ZNF528: variants seen among roughly 807,000 people sequenced by gnomAD.
The protein encoded by ZNF528 is zinc finger protein 528.
ZNF528 carries 9 observed loss-of-function variants against 13.3 expected under a neutral mutation model. The ratio of observed to expected loss-of-function variants is 0.67; its 90% CI spans 0.41 to 1.18. The LOEUF (loss-of-function observed/expected upper bound fraction) is 1.18, where lower values mean the gene tolerates loss of function less well. Ranked by LOEUF, ZNF528 falls within the 50% of genes most tolerant of loss-of-function variation. ZNF528 has a pLI of 0.01. For synonymous variants in ZNF528, 264 were observed against 254.3 expected (o/e 1.04, Z -0.36); for missense variants, 858 against 745.4 (o/e 1.15, Z -1.76).
At chr19:52,403,159 A>G (rs2058814751) in intron 4 of ZNF528, among the ~76,000 whole-genome samples, 1 of 152,230 alleles carries the variant, frequency 6.6e-6, no homozygotes, top group African/African-American at 2.4e-5. Context: ...ATATGCTGAA[A>G]TACACATTGG....
intron 4 of ZNF528, among the ~76,000 whole-genome samples, chr19:52,404,711 C>T (rs111608834): frequency 2.0e-5 from 3 of 152,032 alleles, no homozygotes; most frequent in Non-Finnish European, 4.4e-5. Flanking sequence ...ATTCTCCTGT[C>T]TCAGCCTTCT....
intron 2 of ZNF528, 44 bp from the exon 3 acceptor site, chr19:52,401,639 GTT>G: frequency 8.1e-7 from 1 of 1,229,004 alleles, no homozygotes; most frequent in South Asian, 1.4e-5. Context: ...AGGAATCACA[GTT>G]TATTACCACA....
chr19:52,402,363 C>T (rs2058804916), intron 4 of ZNF528: 1 of 387,104 alleles, frequency 2.6e-6, no homozygotes, highest in Admixed American at 4.1e-5. Context: ...GTTCTGTGGA[C>T]TAGAATTAGA....
Position 52,417,359 on chromosome 19 carries a change from G to C in ZNF528, c.*620G>C. The C allele has an allele frequency of 5.3e-6, 1 of 189,610 alleles. No individual in the cohort carries two copies. The highest frequency in any genetic ancestry group is 9.4e-5 in the South Asian group (1 of 10,608). 11.7% of individuals were successfully genotyped at this position (189,610 alleles called of 1,614,324 possible). A position where few individuals can be genotyped will look rare whatever the true frequency, so the allele number is the denominator to read the frequency against. Reference sequence around the variant, plus strand: ...GATTTAGAGAGCATGGAGGTGGGCAGAGTAACATAAAACTGATGACCGTCA... The same window carrying C: ...GATTTAGAGAGCATGGAGGTGGGCACAGTAACATAAAACTGATGACCGTCA... On this transcript the variant is annotated 3_prime_UTR_variant, in exon 7 of 7. Coordinates refer to ENST00000360465, the MANE Select transcript of ZNF528 (RefSeq NM_032423.3).
intron 4 of ZNF528, among the ~76,000 whole-genome samples, chr19:52,405,353 A>G (rs1041451950): frequency 6.6e-6 from 1 of 152,072 alleles, no homozygotes; most frequent in Non-Finnish European, 1.5e-5. Flanking sequence ...CAACATGGTG[A>G]GACACCATAT....
chr19:52,412,507 G>A (rs1044055051), intron 6 of ZNF528: 6 of 152,208 alleles, frequency 3.9e-5, no homozygotes, highest in Non-Finnish European at 8.8e-5. Flanking sequence ...GGGAATCAAT[G>A]TTTCTCTTGG....
rs1183783932 is a variant in ZNF528 at position 52,415,289 on chromosome 19, C to T, written c.437C>T (p.Ser146Leu). 2 of 1,613,108 alleles carry T rather than the reference C, an allele frequency of 1.2e-6. No homozygotes were observed. The highest frequency in any genetic ancestry group is 1.7e-6 in the Non-Finnish European group (2 of 1,179,788). The change falls in exon 7 of 7, where the codon TCA becomes TTA. Residue 146 changes from serine to leucine, a missense_variant. By Grantham distance (145) the Ser-to-Leu change is moderately radical. Transcript: ENST00000360465. ...CCCGTCAGTGACAATTCCTCAGTTT[C>T]ACCGCTTGAAAAAATTTCTTCCAGT... is the stretch of plus-strand genomic sequence containing the variant. ...EKPVSDNSSV[S>L]PLEKISSSVK...
chr19:52,398,805 CG>C (rs1020713382), intron 2 of ZNF528, among the ~76,000 whole-genome samples, 186 bp downstream of exon 2: 1 of 152,010 alleles, frequency 6.6e-6, no homozygotes, highest in African/African-American at 2.4e-5. Flanking sequence ...GACAGAGCAG[CG>C]TGGTGCTGGG....
At chr19:52,414,456 G>A (rs2058973449) in intron 6 of ZNF528, 2 of 602,614 alleles carry the variant, frequency 3.3e-6, no homozygotes, top group South Asian at 3.9e-5. Flanking sequence ...ATTGGGTAAA[G>A]GAGATGGTGG....
At position 52,415,342 on chromosome 19, in the gene ZNF528, A is replaced by G. The variant is rs758943294; in HGVS notation, c.490A>G (p.Arg164Gly). 5.0e-6 allele frequency: 8 copies of G among 1,611,988 alleles called. No individual in the cohort carries two copies. The Admixed American group carries it at 1.2e-4, about 24-fold the overall frequency. Reference sequence around the variant, plus strand: ...CAAATCCCACCTTTTAAATAAATATAGAAATAATTTTGATCATGCTCCATT... The same window carrying G: ...CAAATCCCACCTTTTAAATAAATATGGAAATAATTTTGATCATGCTCCATT... Reference protein sequence around the residue: ...SVKSHLLNKYRNNFDHAPLLP... With the variant: ...SVKSHLLNKYGNNFDHAPLLP... Residue 164 changes from arginine (R) to glycine (G), a missense_variant, in exon 7 of 7, where the codon AGA (arginine) becomes GGA (glycine). Coordinates refer to ENST00000360465, the MANE Select transcript of ZNF528 (RefSeq NM_032423.3).
chr19:52,407,125 AT>A (rs2058867191), intron 6 of ZNF528, among the ~76,000 whole-genome samples: 1 of 111,624 alleles, frequency 9.0e-6, no homozygotes, highest in African/African-American at 3.5e-5. Flanking sequence ...TTGGTATTTT[AT>A]GTGGAGATGG....
In ZNF528 at chr19:52,406,072, G is replaced by T. The variant is rs143434257; in HGVS notation, c.142+39G>T. The T allele has an allele frequency of 1.1e-4, 169 of 1,586,694 alleles. 1 individual carries two copies. The East Asian group carries it at 3.7e-3, about 35-fold the overall frequency. ...CCCCTCAGAAGCCGGGATCTGCCCT[G>T]GTGGATCTCTGAATTGTGTCTTATA... is the stretch of plus-strand genomic sequence containing the variant. On this transcript the variant is annotated intron_variant, in intron 5 of 6. Transcript: ENST00000360465.
Position 52,401,732 on chromosome 19 carries a change from A to C in ZNF528, c.-89A>C. On this transcript the variant is annotated 5_prime_UTR_variant, in exon 3 of 7. Transcript: ENST00000360465. Reference sequence around the variant, plus strand: ...AGAATAAAGTGAAAAAAATCTCAGAAGGAATCCACTCAACAGACGAGGTAC... The same window carrying C: ...AGAATAAAGTGAAAAAAATCTCAGACGGAATCCACTCAACAGACGAGGTAC... 6.9e-7 allele frequency: 1 copy of C among 1,439,180 alleles called. No homozygotes were observed. Among genetic ancestry groups the C allele is most frequent in the Non-Finnish European group, 9.2e-7 (1 of 1,087,932 alleles). 89.2% of individuals were successfully genotyped at this position (1,439,180 alleles called of 1,614,324 possible). A position where few individuals can be genotyped will look rare whatever the true frequency, so the allele number is the denominator to read the frequency against.
chr19:52,402,387 A>G (rs1191005519), intron 4 of ZNF528: 4 of 324,376 alleles, frequency 1.2e-5, no homozygotes, highest in Non-Finnish European at 5.6e-6. Context: ...GCTGCACGTC[A>G]AAGTTCCTTT....
At chr19:52,407,940 T>G (rs1316318244) in intron 6 of ZNF528, among the ~76,000 whole-genome samples, 1 of 152,016 alleles carries the variant, frequency 6.6e-6, no homozygotes, top group Non-Finnish European at 1.5e-5. Context: ...CTCGAACTCC[T>G]GGCCTCATGT....
intron 2 of ZNF528, among the ~76,000 whole-genome samples, chr19:52,399,881 G>A (rs990289005): frequency 2.0e-5 from 3 of 152,160 alleles, no homozygotes; most frequent in Admixed American, 6.5e-5. Flanking sequence ...CAGTTTAACT[G>A]GTCAGTGTAG....
At chr19:52,409,417 C>CA in intron 6 of ZNF528, among the ~76,000 whole-genome samples, 1 of 151,976 alleles carries the variant, frequency 6.6e-6, no homozygotes, top group East Asian at 1.9e-4. Flanking sequence ...GATTCTCCTG[C>CA]ATCAGCCTCC....
intron 5 of ZNF528, 70 bp downstream of exon 5, chr19:52,406,103 C>T (rs1367311241): frequency 6.6e-7 from 1 of 1,518,626 alleles, no homozygotes; most frequent in Non-Finnish European, 8.9e-7. Context: ...TTATATGCCT[C>T]TTGGGAGCTC....
intron 6 of ZNF528, chr19:52,408,211 C>T (rs1288226907): frequency 2.7e-5 from 4 of 149,510 alleles, no homozygotes; most frequent in Non-Finnish European, 5.9e-5. Context: ...GATGGAGTCT[C>T]CTTCTATCTC....
Sources: gnomAD v4.1 joint callset for allele counts (sites outside exome capture counted in the v4.1 genomes callset) on GRCh38, gnomAD v4.1.1 for gene constraint, MANE v1.5 for transcripts, NCBI Gene and HGNC (gene_info 2026-07-23, HGNC 2026-07-21) for gene names.